EDEM3: variants seen among roughly 807,000 people sequenced by gnomAD.
EDEM3 encodes ER degradation-enhancing alpha-mannosidase-like protein 3.
A neutral mutation model predicts 110.2 loss-of-function variants in EDEM3; 60 were observed. That is an observed-to-expected ratio of 0.54 (90% confidence interval 0.44 to 0.67). EDEM3 has a LOEUF of 0.67. Among genes scored for constraint, EDEM3 ranks in the 30% least tolerant of loss-of-function variants. The probability of loss-of-function intolerance (pLI) is 0.00; values close to 1 mark genes in which losing one functional copy is unlikely to be tolerated. For missense variants in EDEM3, 996 were observed against 1,121.0 expected (o/e 0.89, Z 1.59); for synonymous variants, 352 against 382.9 (o/e 0.92, Z 0.94).
chr1:184,697,007 T>C (rs1649366550), intron 19 of EDEM3, among the ~76,000 whole-genome samples: 1 of 151,860 alleles, frequency 6.6e-6, no homozygotes, highest in South Asian at 2.1e-4. Context: ...GATCGTACAC[T>C]GTCAAAGCAA....
In EDEM3 at chr1:184,745,084, A is replaced by G. The variant is rs529475749; in HGVS notation, c.204+4463T>C. Among the ~76,000 whole-genome samples, 7 of 152,226 alleles carry G rather than the reference A, an allele frequency of 4.6e-5. No individual in the cohort carries two copies. The East Asian group carries it at 1.3e-3, about 29-fold the overall frequency. The stretch of plus-strand genomic sequence containing the variant: ...CAACTGTATACAATTGTCAAAAAAG[A>G]ATTGTGCACTCAATTTGAAATTTTA... On this transcript the variant is annotated intron_variant, in intron 2 of 19. Coordinates refer to ENST00000318130, the MANE Select transcript of EDEM3 (RefSeq NM_025191.4).
chr1:184,741,725 T>C (rs1652152826), intron 2 of EDEM3, among the ~76,000 whole-genome samples: 1 of 152,252 alleles, frequency 6.6e-6, no homozygotes, highest in African/African-American at 2.4e-5. Context: ...TATACTCAGG[T>C]ATTTTATTGC....
chr1:184,737,714 G>A lies in EDEM3; in HGVS notation c.205-3C>T, dbSNP rs1558067291. ...TCATCAGCAGGGTAAGCATGTTCCTGCAAGGAAAACTTTAGTAAGTTACTA... is the reference window on the plus strand; with the variant it reads ...TCATCAGCAGGGTAAGCATGTTCCTACAAGGAAAACTTTAGTAAGTTACTA... On this transcript the variant is annotated splice_region_variant and splice_polypyrimidine_tract_variant and intron_variant, in intron 2 of 19. Coordinates refer to ENST00000318130, the MANE Select transcript of EDEM3 (RefSeq NM_025191.4). 1 of 1,612,478 alleles carries A rather than the reference G, an allele frequency of 6.2e-7. No individual in the cohort carries two copies. The highest frequency in any genetic ancestry group is 1.3e-5 in the African/African-American group (1 of 74,980).
In EDEM3 at chr1:184,706,724, G is replaced by C. The variant is rs1649950238; in HGVS notation, c.2122C>G (p.Leu708Val). The change falls in exon 18 of 20, where the codon CTG becomes GTG. Residue 708 changes from leucine (L) to valine (V), a missense_variant. Leu to Val is a conservative substitution (Grantham distance 32). Transcript: ENST00000318130. ...AACATGCACTGTCCTCTTTGTATCA[G>C]TGCGATTTTTCCCATCACTGCCTCT... Reference protein sequence around the residue: ...NPEAVMGKIALIQRGQCMFAE... With the variant: ...NPEAVMGKIAVIQRGQCMFAE... 1 of 1,613,928 alleles carries C rather than the reference G, an allele frequency of 6.2e-7. No homozygotes were observed. Among genetic ancestry groups the C allele is most frequent in the Non-Finnish European group, 8.5e-7 (1 of 1,179,914 alleles).
Position 184,734,538 on chromosome 1 carries a change from C to A in EDEM3, c.451G>T (p.Val151Phe). ...AGTGTCTTTCATACTTACCCAAGAA[C>A]TCTGATGTTTGTTTCAAAGACTGAT... ...VVSVFETNIR[V>F]LGGLLGGHSL... Residue 151 changes from valine (V) to phenylalanine (F), a missense_variant, in exon 5 of 20, where the codon GTT becomes TTT. By Grantham distance (50) the Val-to-Phe change is conservative. This residue lies in a region of EDEM3 where 310 missense variants were observed against 394.6 expected (regional missense o/e 0.79). Transcript: ENST00000318130. The A allele has an allele frequency of 6.9e-7, 1 of 1,455,316 alleles. No homozygotes were observed. The highest frequency in any genetic ancestry group is 9.2e-7 in the Non-Finnish European group (1 of 1,086,934). The allele number at this position is 1,455,316 out of a possible 1,614,324, so 90.2% of individuals were successfully genotyped here. A position where few individuals can be genotyped will look rare whatever the true frequency, so the allele number is the denominator to read the frequency against.
At chr1:184,708,744 A>G (rs921748090) in intron 16 of EDEM3, among the ~76,000 whole-genome samples, 1 of 152,228 alleles carries the variant, frequency 6.6e-6, no homozygotes, top group African/African-American at 2.4e-5. Flanking sequence ...TTCAAAACAT[A>G]TCTGTGAAGC....
chr1:184,739,483 G>A (rs1652016163), intron 2 of EDEM3, among the ~76,000 whole-genome samples: 1 of 151,202 alleles, frequency 6.6e-6, no homozygotes, highest in Non-Finnish European at 1.5e-5. Flanking sequence ...AAATTTTACT[G>A]AAATTTTAAT....
intron 2 of EDEM3, among the ~76,000 whole-genome samples, chr1:184,742,123 C>T (rs1283260090): frequency 6.6e-6 from 1 of 151,880 alleles, no homozygotes; most frequent in African/African-American, 2.4e-5. Context: ...AGACTAGTGG[C>T]CAGGAACACT....
At chr1:184,702,193 G>T (rs545154738) in intron 19 of EDEM3, among the ~76,000 whole-genome samples, 1 of 152,254 alleles carries the variant, frequency 6.6e-6, no homozygotes, top group Non-Finnish European at 1.5e-5. Context: ...GGGTTTCAAA[G>T]ACATTTCAAA....
intron 19 of EDEM3, among the ~76,000 whole-genome samples, chr1:184,697,047 TA>T (rs964835684): frequency 2.2e-4 from 34 of 151,880 alleles, no homozygotes; most frequent in African/African-American, 6.3e-4. Flanking sequence ...TTAGAATTGA[TA>T]AAAAAAATTT....
At chr1:184,710,210 T>C (rs1057152982) in intron 16 of EDEM3, among the ~76,000 whole-genome samples, 184 bp downstream of exon 16, 8 of 152,218 alleles carry the variant, frequency 5.3e-5, no homozygotes, top group Admixed American at 2.0e-4. Context: ...AATTGATTTA[T>C]ACTATAAAGG....
intron 1 of EDEM3, among the ~76,000 whole-genome samples, chr1:184,753,201 ATT>A (rs551510707): frequency 1.3e-5 from 2 of 148,196 alleles, no homozygotes; most frequent in African/African-American, 2.5e-5. Flanking sequence ...CTGAGCTCAG[ATT>A]TTTTTTTTCT....
At chr1:184,737,537 T>C (rs757478502) in intron 3 of EDEM3, 74 bp downstream of exon 3, 38 of 1,380,106 alleles carry the variant, frequency 2.8e-5, no homozygotes, top group African/African-American at 4.3e-5. Flanking sequence ...AATATTATTA[T>C]ATGTAAACTG....
At chr1:184,741,567 T>G (rs1180447781) in intron 2 of EDEM3, among the ~76,000 whole-genome samples, 1 of 152,156 alleles carries the variant, frequency 6.6e-6, no homozygotes, top group African/African-American at 2.4e-5. Flanking sequence ...GACAAAGACT[T>G]TGAAGGTTTA....
intron 3 of EDEM3, 93 bp downstream of exon 3, chr1:184,737,518 A>G: frequency 8.6e-7 from 1 of 1,162,704 alleles, no homozygotes; most frequent in Non-Finnish European, 1.2e-6. Flanking sequence ...AATTTAGCCA[A>G]TCCCTAGAAA....
rs1571398162 is a variant in EDEM3 at position 184,731,245 on chromosome 1, T to C, written c.612+1592A>G. On this transcript the variant is annotated intron_variant, in intron 6 of 19. Transcript: ENST00000318130. ...ATGAGAAATAAATCAGAAGAGCTAT[T>C]TCCATCTTCAATGGCTTCTTTCCCT... 2.0e-5 allele frequency among the ~76,000 whole-genome samples: 3 copies of C among 152,312 alleles called. No homozygotes were observed. In the East Asian group the frequency reaches 5.8e-4, roughly 29 times the overall value.
intron 13 of EDEM3, among the ~76,000 whole-genome samples, chr1:184,716,392 T>C (rs368634795): frequency 8.5e-5 from 13 of 152,276 alleles, no homozygotes; most frequent in African/African-American, 2.9e-4. Flanking sequence ...GAATACTTCA[T>C]ACCATCTACA....
At chr1:184,704,075 T>C (rs1649777222) in intron 18 of EDEM3, among the ~76,000 whole-genome samples, 1 of 152,202 alleles carries the variant, frequency 6.6e-6, no homozygotes, top group Admixed American at 6.5e-5. Flanking sequence ...TGGTGATTTT[T>C]AGTTCCCACT....
chr1:184,697,191 C>A (rs573123063), intron 19 of EDEM3, among the ~76,000 whole-genome samples: 1 of 151,588 alleles, frequency 6.6e-6, no homozygotes, highest in Non-Finnish European at 1.5e-5. Context: ...GTATAAGACC[C>A]ACGTTGCTTA....
Sources: allele counts gnomAD v4.1 joint callset (sites outside exome capture counted in the v4.1 genomes callset), GRCh38; gene constraint gnomAD v4.1.1; regional missense constraint gnomAD v4.1.1; transcripts MANE v1.5; gene names NCBI Gene and HGNC (gene_info 2026-07-23, HGNC 2026-07-21).